The following MAGI1 variants were observed in gnomAD, a reference collection of about 807,000 sequenced individuals.
The protein encoded by MAGI1 is membrane-associated guanylate kinase, WW and PDZ domain-containing protein 1.
MAGI1 carries 58 observed loss-of-function variants against 139.9 expected under a neutral mutation model. That is an observed-to-expected ratio of 0.41 (90% CI 0.34 to 0.52). MAGI1 has a LOEUF of 0.52. MAGI1 is among the 20% of genes least tolerant of loss of function. MAGI1 has a pLI of 0.12. For missense variants in MAGI1, 1,874 were observed against 1,901.6 expected (o/e 0.99, Z 0.27); for synonymous variants, 812 against 737.9 (o/e 1.10, Z -1.63).
intron 5 of MAGI1, among the ~76,000 whole-genome samples, chr3:65,462,503 G>A (rs983622907): frequency 1.3e-5 from 2 of 152,170 alleles, no homozygotes; most frequent in Admixed American, 6.5e-5. Context: ...CTGATACTAT[G>A]CTGTTTCGGT....
chr3:65,379,209 A>G, intron 17 of MAGI1, 52 bp downstream of exon 17: 1 of 1,606,430 alleles, frequency 6.2e-7, no homozygotes, highest in Non-Finnish European at 8.5e-7. Context: ...AAGAGAACAA[A>G]AACTCCCAGG....
chr3:65,795,918 G>A (rs2040105398), intron 1 of MAGI1, among the ~76,000 whole-genome samples: 1 of 151,932 alleles, frequency 6.6e-6, no homozygotes. Flanking sequence ...AGGTGTGGTA[G>A]TGCACACCTG....
chr3:65,615,338 G>A (rs2083315917), intron 2 of MAGI1, among the ~76,000 whole-genome samples: 1 of 152,122 alleles, frequency 6.6e-6, no homozygotes, highest in South Asian at 2.1e-4. Flanking sequence ...TTTCCAGCAG[G>A]GATGGACAGT....
chr3:65,545,892 A>G (rs1037172962), intron 2 of MAGI1, among the ~76,000 whole-genome samples: 3 of 152,036 alleles, frequency 2.0e-5, no homozygotes, highest in East Asian at 3.9e-4. Context: ...TATGCAGAAT[A>G]AAAAATAAGA....
intron 3 of MAGI1, among the ~76,000 whole-genome samples, chr3:65,488,233 T>TCCTCC (rs1951752717): frequency 1.3e-5 from 2 of 152,216 alleles, no homozygotes; most frequent in African/African-American, 4.8e-5. Flanking sequence ...CACAGTCCTC[T>TCCTCC]CATAGCTTCG....
intron 2 of MAGI1, among the ~76,000 whole-genome samples, chr3:65,567,697 G>A (rs536358662): frequency 2.6e-5 from 4 of 152,068 alleles, no homozygotes; most frequent in Non-Finnish European, 5.9e-5. Flanking sequence ...TTAGCTGGGC[G>A]TGGCAGCACA....
At position 66,001,012 on chromosome 3, in the gene MAGI1, A is replaced by G. The variant is rs1165340101; in HGVS notation, c.313+36984T>C. On this transcript the variant is annotated intron_variant, in intron 1 of 22. Coordinates refer to ENST00000402939, the MANE Select transcript of MAGI1 (RefSeq NM_001033057.2). The stretch of plus-strand genomic sequence containing the variant: ...TGTCTTGTCCTGGTGCTGGAGATAC[A>G]TAGCAAAATGGAAAAGATGAAATTA... Among the ~76,000 whole-genome samples the G allele has an allele frequency of 2.6e-5, 4 of 152,236 alleles. No homozygotes were observed. The East Asian group carries it at 7.7e-4, about 29-fold the overall frequency.
At chr3:65,984,512 ATGTG>A (rs34046056) in intron 1 of MAGI1, among the ~76,000 whole-genome samples, 3,656 of 140,296 alleles carry the variant, frequency 0.026, 133 homozygotes, top group African/African-American at 0.085. Flanking sequence ...TCAAAATAAA[ATGTG>A]TGTGTGTGTG....
At chr3:65,962,991 A>G (rs1332482831) in intron 1 of MAGI1, among the ~76,000 whole-genome samples, 3 of 150,602 alleles carry the variant, frequency 2.0e-5, no homozygotes, top group Admixed American at 6.6e-5. Flanking sequence ...TAAACACTGC[A>G]TATAAAACAA....
chr3:65,393,564 C>T (rs951980489), intron 13 of MAGI1, among the ~76,000 whole-genome samples: 1 of 152,028 alleles, frequency 6.6e-6, no homozygotes, highest in Non-Finnish European at 1.5e-5. Flanking sequence ...TAATGTTTTA[C>T]TTTTGTTCAC....
At chr3:65,442,665 T>G in intron 8 of MAGI1, 127 bp downstream of exon 8, 1 of 622,522 alleles carries the variant, frequency 1.6e-6, no homozygotes, top group Non-Finnish European at 2.8e-6. Flanking sequence ...TGCATACATA[T>G]TTTCATCATA....
At chr3:65,507,095 G>T (rs370672604) in intron 2 of MAGI1, among the ~76,000 whole-genome samples, 22 of 152,190 alleles carry the variant, frequency 1.4e-4, no homozygotes, top group African/African-American at 4.8e-4. Flanking sequence ...AAATAAAGAA[G>T]AATTGGGTAC....
At chr3:65,499,980 C>T (rs1485401424) in intron 2 of MAGI1, among the ~76,000 whole-genome samples, 1 of 152,052 alleles carries the variant, frequency 6.6e-6, no homozygotes, top group African/African-American at 2.4e-5. Context: ...ATTTTAAGAC[C>T]TGATTCTTGG....
chr3:65,975,160 AT>A (rs1185870567), intron 1 of MAGI1, among the ~76,000 whole-genome samples: 13 of 151,916 alleles, frequency 8.6e-5, no homozygotes, highest in Admixed American at 8.5e-4. Context: ...CCCAAAAATG[AT>A]TGAAATGTTC....
chr3:65,646,842 G>A lies in MAGI1; in HGVS notation c.314-24754C>T, dbSNP rs140134408. Among the ~76,000 whole-genome samples, 476 of 151,804 alleles carry A rather than the reference G, an allele frequency of 3.1e-3. 1 individual carries two copies. Among genetic ancestry groups the A allele is most frequent in the African/African-American group, 0.011 (455 of 41,420 alleles). ...TCAAGAGAAATTTTAAATACACATC[G>A]ACATAAATAAAAAAACAACGTGTCA... On this transcript the variant is annotated intron_variant, in intron 1 of 22. Transcript: ENST00000402939.
chr3:65,456,974 G>A (rs1180691372), intron 5 of MAGI1, among the ~76,000 whole-genome samples: 1 of 151,936 alleles, frequency 6.6e-6, no homozygotes, highest in Non-Finnish European at 1.5e-5. Flanking sequence ...TTGATATCAA[G>A]CAGACTAATT....
intron 1 of MAGI1, among the ~76,000 whole-genome samples, chr3:65,791,448 T>A (rs151240793): frequency 2.0e-3 from 298 of 152,238 alleles, no homozygotes; most frequent in African/African-American, 6.4e-3. Flanking sequence ...AAAATACTAA[T>A]ATTAGAAAAT....
intron 2 of MAGI1, chr3:65,598,008 A>C (rs752416175): frequency 4.0e-4 from 174 of 434,306 alleles, no homozygotes; most frequent in Non-Finnish European, 6.5e-4. Context: ...TTTCGAGGGA[A>C]GAGGTGCTGG....
chr3:65,525,726 G>C (rs951321905), intron 2 of MAGI1, among the ~76,000 whole-genome samples: 2 of 152,188 alleles, frequency 1.3e-5, no homozygotes, highest in Non-Finnish European at 2.9e-5. Context: ...AACTTACCTT[G>C]TCAATAATAT....
Sources: allele counts gnomAD v4.1 joint callset (sites outside exome capture counted in the v4.1 genomes callset), GRCh38; gene constraint gnomAD v4.1.1; transcripts MANE v1.5; gene names NCBI Gene and HGNC (gene_info 2026-07-23, HGNC 2026-07-21).